Variants in RGL1 observed in about 807,000 individuals in gnomAD.
The protein encoded by RGL1 is ral guanine nucleotide dissociation stimulator-like 1.
RGL1 carries 24 observed loss-of-function variants against 95.2 expected under a neutral mutation model. The observed-to-expected ratio is 0.25, with a 90% CI of 0.18 to 0.35. The LOEUF is 0.35. Ranked by LOEUF, RGL1 falls within the 10% of genes least tolerant of loss-of-function variation. RGL1 has a pLI of 1.00. For synonymous variants in RGL1, 329 were observed against 344.9 expected (o/e 0.95, Z 0.51); for missense variants, 715 against 936.3 (o/e 0.76, Z 3.08).
chr1:183,803,509 G>A (rs1274515077), upstream of RGL1, among the ~76,000 whole-genome samples: 1 of 152,202 alleles, frequency 6.6e-6, no homozygotes, highest in Non-Finnish European at 1.5e-5. Flanking sequence ...TGGCCAGCCA[G>A]GGAATTGGAG....
intron 2 of RGL1, among the ~76,000 whole-genome samples, chr1:183,788,586 T>A (rs914476815): frequency 6.6e-6 from 1 of 152,322 alleles, no homozygotes; most frequent in South Asian, 2.1e-4. Flanking sequence ...GAGCAGTATG[T>A]ATCATTTAGT....
chr1:183,789,500 C>T (rs780494391), intron 2 of RGL1, among the ~76,000 whole-genome samples: 1 of 152,140 alleles, frequency 6.6e-6, no homozygotes, highest in Non-Finnish European at 1.5e-5. Context: ...AAAAAGGAAG[C>T]TCTACCATGT....
intron 12 of RGL1, 76 bp from the exon 13 acceptor site, chr1:183,904,774 G>C (rs1018371627): frequency 5.6e-6 from 8 of 1,439,596 alleles, no homozygotes; most frequent in Non-Finnish European, 6.6e-6. Context: ...ATATTTTCAT[G>C]TTGAAAGATT....
intron 2 of RGL1, among the ~76,000 whole-genome samples, chr1:183,819,886 AG>A (rs1467542707): frequency 6.6e-6 from 1 of 151,746 alleles, no homozygotes; most frequent in East Asian, 1.9e-4. Context: ...CTGGTCTCAA[AG>A]GGTTCTCCTG....
At chr1:183,913,190 T>G in intron 15 of RGL1, among the ~76,000 whole-genome samples, 1 of 107,714 alleles carries the variant, frequency 9.3e-6, no homozygotes, top group East Asian at 2.2e-4. Context: ...TTCTTTTTTT[T>G]TTTTTTTTTT....
At chr1:183,808,171 T>A (rs1262810237) in intron 2 of RGL1, among the ~76,000 whole-genome samples, 1 of 152,208 alleles carries the variant, frequency 6.6e-6, no homozygotes, top group African/African-American at 2.4e-5. Flanking sequence ...CTACAAACTG[T>A]CATGTATTTA....
rs191110227 is a variant in RGL1 at position 183,899,722 on chromosome 1, G to C, written c.1231-428G>C. 2.2e-3 allele frequency among the ~76,000 whole-genome samples: 332 copies of C among 152,258 alleles called. 2 individuals carry two copies. Among genetic ancestry groups the C allele is most frequent in the Middle Eastern group, 0.01 (3 of 294 alleles). On this transcript the variant is annotated intron_variant, in intron 10 of 17. Transcript: ENST00000360851. ...TTAGTCACCAAGTCTAGCCCAAGGGGTTATATTAATAGTGATGCCCCATGC... is the reference window on the plus strand; with the variant it reads ...TTAGTCACCAAGTCTAGCCCAAGGGCTTATATTAATAGTGATGCCCCATGC...
intron 17 of RGL1, among the ~76,000 whole-genome samples, chr1:183,922,769 A>G (rs1669388426): frequency 1.3e-5 from 2 of 152,216 alleles, no homozygotes; most frequent in African/African-American, 4.8e-5. Flanking sequence ...CATCATTTCA[A>G]TTAATCATGT....
At chr1:183,660,889 C>T (rs867065577) in intron 1 of RGL1, among the ~76,000 whole-genome samples, 1 of 152,240 alleles carries the variant, frequency 6.6e-6, no homozygotes, top group South Asian at 2.1e-4. Context: ...AACTAGAACT[C>T]AGGAATAAGA....
At chr1:183,805,445 G>A in intron 1 of RGL1, 121 bp downstream of exon 1, 4 of 852,632 alleles carry the variant, frequency 4.7e-6, no homozygotes, top group Non-Finnish European at 7.8e-6. Context: ...ATACTTGTGA[G>A]CTAAAGCTCT....
intron 1 of RGL1, among the ~76,000 whole-genome samples, chr1:183,662,821 G>T (rs1389270725): frequency 6.6e-6 from 1 of 152,110 alleles, no homozygotes; most frequent in Non-Finnish European, 1.5e-5. Flanking sequence ...ATACTACAAG[G>T]CTACAGTAAC....
At chr1:183,828,346 G>T (rs757199900) in intron 2 of RGL1, among the ~76,000 whole-genome samples, 4 of 152,132 alleles carry the variant, frequency 2.6e-5, no homozygotes, top group African/African-American at 7.2e-5. Context: ...CCAGCACCCC[G>T]TAAGTGGAAT....
chr1:183,900,099 C>G (rs759597227), intron 10 of RGL1, 51 bp from the exon 11 acceptor site: 1 of 1,479,650 alleles, frequency 6.8e-7, no homozygotes, highest in African/African-American at 1.4e-5. Context: ...TCCTAAAACC[C>G]CTCAACTTTT....
intron 17 of RGL1, among the ~76,000 whole-genome samples, chr1:183,925,747 C>T (rs1669578455): frequency 6.6e-6 from 1 of 152,102 alleles, no homozygotes; most frequent in Non-Finnish European, 1.5e-5. Flanking sequence ...GAAACGAAAC[C>T]CGAGTTCAAA....
At chr1:183,814,554 GT>G (rs1413996375) in intron 2 of RGL1, among the ~76,000 whole-genome samples, 1 of 152,060 alleles carries the variant, frequency 6.6e-6, no homozygotes, top group Non-Finnish European at 1.5e-5. Flanking sequence ...TCCCCCAGAA[GT>G]TTTTTATGTT....
At chr1:183,647,681 T>A in intron 1 of RGL1, 3 of 1,593,734 alleles carry the variant, frequency 1.9e-6, no homozygotes, top group Non-Finnish European at 2.6e-6. Flanking sequence ...GTAGATTTTA[T>A]TTCTTCCCTT....
At chr1:183,781,826 T>C (rs1165351490) in intron 2 of RGL1, among the ~76,000 whole-genome samples, 1 of 152,212 alleles carries the variant, frequency 6.6e-6, no homozygotes, top group Non-Finnish European at 1.5e-5. Flanking sequence ...TAACAGTCTC[T>C]ATACTGATGG....
intron 2 of RGL1, among the ~76,000 whole-genome samples, chr1:183,762,198 C>T (rs1263208569): frequency 6.6e-6 from 1 of 152,242 alleles, no homozygotes; most frequent in African/African-American, 2.4e-5. Context: ...GCACAAGAGG[C>T]TTAGCTTTTG....
At chr1:183,891,227 C>T (rs1273787999) in intron 8 of RGL1, among the ~76,000 whole-genome samples, 1 of 151,912 alleles carries the variant, frequency 6.6e-6, no homozygotes, top group Non-Finnish European at 1.5e-5. Flanking sequence ...GAAAATGTTG[C>T]ATATATAGTG....
Sources: gnomAD v4.1 joint callset for allele counts (sites outside exome capture counted in the v4.1 genomes callset) on GRCh38, gnomAD v4.1.1 for gene constraint, MANE v1.5 for transcripts, NCBI Gene and HGNC (gene_info 2026-07-23, HGNC 2026-07-21) for gene names.